Variants in ZNF451 observed in about 807,000 individuals in gnomAD.
ZNF451 encodes the protein E3 SUMO-protein ligase ZNF451.
Under a neutral mutation model 107.1 loss-of-function variants are expected in ZNF451, and 80 were observed. The observed-to-expected ratio is 0.75, with a 90% CI of 0.62 to 0.90. The LOEUF (loss-of-function observed/expected upper bound fraction) is 0.90. Among genes scored for constraint, ZNF451 ranks in the 40% least tolerant of loss-of-function variants. The pLI is 0.00. For missense variants in ZNF451, 1,107 were observed against 1,236.2 expected, an observed-to-expected ratio of 0.90 and a Z score of 1.57; for synonymous variants, 362 against 406.5, an observed-to-expected ratio of 0.89 and a Z score of 1.32.
intron 3 of ZNF451, among the ~76,000 whole-genome samples, chr6:57,113,620 ATTTTTTTTT>A (rs869045366): frequency 7.3e-6 from 1 of 137,234 alleles, no homozygotes; most frequent in East Asian, 2.1e-4. Context: ...AGAAAAAAAA[ATTTTTTTTT>A]TTTTTTTTTT....
At chr6:57,099,801 T>G (rs554615874) in intron 3 of ZNF451, among the ~76,000 whole-genome samples, 18 of 152,232 alleles carry the variant, frequency 1.2e-4, no homozygotes, top group Non-Finnish European at 2.2e-4. Context: ...AATGAGCTGT[T>G]TTCATCTTGG....
At chr6:57,158,869 G>A (rs1763546627) in intron 13 of ZNF451, 1 of 985,336 alleles carries the variant, frequency 1.0e-6, no homozygotes, top group African/African-American at 1.7e-5. Flanking sequence ...GAAGCAGTAA[G>A]TAGGGTTGGC....
chr6:57,162,982 C>G (rs1419992997), intron 14 of ZNF451, among the ~76,000 whole-genome samples: 1 of 152,038 alleles, frequency 6.6e-6, no homozygotes, highest in African/African-American at 2.4e-5. Context: ...TCCTTTAATT[C>G]CAAGAAAAAC....
intron 12 of ZNF451, among the ~76,000 whole-genome samples, chr6:57,153,633 G>A (rs181683308): frequency 9.9e-5 from 15 of 152,078 alleles, no homozygotes; most frequent in Middle Eastern, 3.4e-3. Context: ...GGCTGGTCTC[G>A]AACTCCTGAC....
intron 3 of ZNF451, among the ~76,000 whole-genome samples, chr6:57,122,629 A>C (rs2127957985): frequency 6.6e-6 from 1 of 152,354 alleles, no homozygotes; most frequent in East Asian, 1.9e-4. Flanking sequence ...AAAATGCTCA[A>C]CATCACTAAT....
intron 6 of ZNF451, among the ~76,000 whole-genome samples, 165 bp from the exon 7 acceptor site, chr6:57,134,579 A>C (rs914163323): frequency 6.6e-6 from 1 of 152,246 alleles, no homozygotes; most frequent in Non-Finnish European, 1.5e-5. Context: ...TATGGGAACC[A>C]CTTGATATTT....
At chr6:57,130,716 T>C (rs536647905) in intron 5 of ZNF451, among the ~76,000 whole-genome samples, 1 of 152,272 alleles carries the variant, frequency 6.6e-6, no homozygotes, top group Non-Finnish European at 1.5e-5. Flanking sequence ...AGCATCTGTT[T>C]ATGTATTTCC....
intron 5 of ZNF451, among the ~76,000 whole-genome samples, chr6:57,131,549 A>G (rs987807001): frequency 6.6e-6 from 1 of 152,346 alleles, no homozygotes; most frequent in East Asian, 1.9e-4. Context: ...CTAAAATATG[A>G]TTAATTCCAT....
intron 14 of ZNF451, among the ~76,000 whole-genome samples, chr6:57,166,566 C>T (rs1449454288): frequency 6.6e-6 from 1 of 152,098 alleles, no homozygotes; most frequent in Non-Finnish European, 1.5e-5. Context: ...AAGACACAAA[C>T]ACATATATAT....
chr6:57,112,746 C>G lies in ZNF451; in HGVS notation c.187-11988C>G, dbSNP rs537773921. 3.9e-5 allele frequency among the ~76,000 whole-genome samples: 6 copies of G among 152,122 alleles called. 1 individual carries two copies. Among genetic ancestry groups the G allele is most frequent in the African/African-American group, 1.4e-4 (6 of 41,522 alleles). ...GTGTGGTATATGGAGCAAAATTGTTCCATTTCACAGAGAGGTCTAGTGACT... is the reference window on the plus strand; with the variant it reads ...GTGTGGTATATGGAGCAAAATTGTTGCATTTCACAGAGAGGTCTAGTGACT... On this transcript the variant is annotated intron_variant, in intron 3 of 14. Transcript: ENST00000370706.
intron 2 of ZNF451, among the ~76,000 whole-genome samples, chr6:57,095,417 T>C (rs1397328953): frequency 6.7e-6 from 1 of 149,948 alleles, no homozygotes; most frequent in Non-Finnish European, 1.5e-5. Context: ...ACTGCAGCCT[T>C]GAACTCCTAG....
chr6:57,139,174 G>A (rs1427057437), intron 7 of ZNF451, among the ~76,000 whole-genome samples: 1 of 152,018 alleles, frequency 6.6e-6, no homozygotes, highest in African/African-American at 2.4e-5. Context: ...CTTCTGTGTG[G>A]CACTCATCAA....
At chr6:57,106,632 A>G in intron 3 of ZNF451, 1 of 847,190 alleles carries the variant, frequency 1.2e-6, no homozygotes, top group Non-Finnish European at 1.4e-6. Flanking sequence ...TTTTTTTTTT[A>G]TGTGAGGCAT....
intron 13 of ZNF451, chr6:57,159,165 C>T (rs560074760): frequency 1.8e-4 from 175 of 985,246 alleles, no homozygotes; most frequent in Middle Eastern, 5.2e-4. Flanking sequence ...AGAATATTTA[C>T]GATTTTCTCT....
chr6:57,098,991 C>G (rs1436921060), intron 2 of ZNF451, 70 bp from the exon 3 acceptor site: 1 of 1,262,260 alleles, frequency 7.9e-7, no homozygotes, highest in African/African-American at 1.5e-5. Context: ...AAAAAAAACA[C>G]TGTAGGTTTA....
In ZNF451 at chr6:57,162,695, C is replaced by T. The variant is rs564501506; in HGVS notation, c.3139+1543C>T. On this transcript the variant is annotated intron_variant, in intron 14 of 14. Transcript: ENST00000370706. The stretch of plus-strand genomic sequence containing the variant: ...GCAACTTGTATTTGACACCTCGTGA[C>T]TCATCCCATGGAAAATGCCAGGCAA... 2.0e-5 allele frequency among the ~76,000 whole-genome samples: 3 copies of T among 152,306 alleles called. No homozygotes were observed. The East Asian group carries it at 5.8e-4, about 29-fold the overall frequency.
chr6:57,108,437 C>G (rs920154994), intron 3 of ZNF451: 2 of 985,176 alleles, frequency 2.0e-6, no homozygotes, highest in Admixed American at 6.2e-5. Flanking sequence ...CCCTTAATAC[C>G]TCTTTTGATT....
At chr6:57,104,179 ACT>A in intron 3 of ZNF451, 1 of 985,348 alleles carries the variant, frequency 1.0e-6, no homozygotes, top group Non-Finnish European at 1.2e-6. Context: ...TTCAAACTAA[ACT>A]CTAGAAGAAT....
chr6:57,141,471 C>A lies in ZNF451; in HGVS notation c.856+16C>A, dbSNP rs764710207. On this transcript the variant is annotated intron_variant, in intron 8 of 14. Coordinates refer to ENST00000370706, the MANE Select transcript of ZNF451 (RefSeq NM_001031623.3). ...AAACTGGGTGGTATGTTAATACTCT[C>A]TTCTGCTGAAAATTAAACTACTTGA... The A allele has an allele frequency of 1.9e-6, 3 of 1,584,802 alleles. No individual in the cohort carries two copies. The highest frequency in any genetic ancestry group is 1.3e-5 in the African/African-American group (1 of 74,312).
Sources: gnomAD v4.1 joint callset for allele counts (sites outside exome capture counted in the v4.1 genomes callset) on GRCh38, gnomAD v4.1.1 for gene constraint, MANE v1.5 for transcripts, NCBI Gene and HGNC (gene_info 2026-07-23, HGNC 2026-07-21) for gene names.